The following SPAG5 variants were observed in gnomAD, a reference collection of about 807,000 sequenced individuals.
SPAG5 encodes the protein sperm-associated antigen 5.
SPAG5 carries 99 observed loss-of-function variants against 145.4 expected under a neutral mutation model. The observed-to-expected ratio is 0.68, with a 90% CI of 0.58 to 0.80. The LOEUF (loss-of-function observed/expected upper bound fraction) is 0.80, where lower values mean the gene tolerates loss of function less well. Ranked by LOEUF, SPAG5 falls within the 30% of genes least tolerant of loss-of-function variation. The pLI is 0.00. For synonymous variants in SPAG5, 477 were observed against 525.4 expected (o/e 0.91, Z 1.26); for missense variants, 1,192 against 1,416.0 (o/e 0.84, Z 2.54).
intron 4 of SPAG5, 132 bp downstream of exon 4, chr17:28,591,566 G>C: frequency 1.1e-6 from 1 of 885,060 alleles, no homozygotes; most frequent in Non-Finnish European, 1.7e-6. Flanking sequence ...TGACTGCCCA[G>C]ATTCTCAGCT....
chr17:28,597,189 G>A (rs1409885829), intron 2 of SPAG5, among the ~76,000 whole-genome samples: 2 of 152,162 alleles, frequency 1.3e-5, no homozygotes, highest in African/African-American at 4.8e-5. Flanking sequence ...GGCCGAGGCG[G>A]GCGGACCACT....
In SPAG5 at chr17:28,585,138, C is replaced by T. The variant is rs1399372554; in HGVS notation, c.2031G>A (p.Leu677=). Residue 677 remains leucine (L), a synonymous_variant, in exon 10 of 24, where the codon CTG becomes CTA. Coordinates refer to ENST00000321765, the MANE Select transcript of SPAG5 (RefSeq NM_006461.4). The stretch of plus-strand genomic sequence containing the variant: ...CCTCAATTGCCACATCACGTTCCTG[C>T]AGGGCTTGCTGGCTCTTGACTGTGA... ...EKLTVKSQQA[L]QERDVAIEEK... 6.2e-7 allele frequency: 1 copy of T among 1,614,238 alleles called. No homozygotes were observed.
At chr17:28,595,969 C>T (rs759031381) in intron 2 of SPAG5, among the ~76,000 whole-genome samples, 1 of 152,014 alleles carries the variant, frequency 6.6e-6, no homozygotes, top group Non-Finnish European at 1.5e-5. Context: ...ATTGCATGAA[C>T]CTGGGAGGCG....
chr17:28,587,896 C>A (rs1043528923), intron 4 of SPAG5, among the ~76,000 whole-genome samples: 1 of 152,092 alleles, frequency 6.6e-6, no homozygotes, highest in African/African-American at 2.4e-5. Flanking sequence ...ATTTATTCAT[C>A]ATTTTTACTT....
At chr17:28,594,123 A>G (rs563521197) in intron 2 of SPAG5, among the ~76,000 whole-genome samples, 7 of 152,308 alleles carry the variant, frequency 4.6e-5, no homozygotes, top group African/African-American at 1.7e-4. Flanking sequence ...AACAAATATT[A>G]GAAGAAAACT....
At chr17:28,581,735 C>T (rs2070550315) in intron 15 of SPAG5, among the ~76,000 whole-genome samples, 1 of 152,126 alleles carries the variant, frequency 6.6e-6, no homozygotes, top group Non-Finnish European at 1.5e-5. Flanking sequence ...CCACTAGCTC[C>T]CCTCAGTCTC....
intron 4 of SPAG5, among the ~76,000 whole-genome samples, chr17:28,590,097 T>C (rs950076968): frequency 6.6e-6 from 1 of 152,204 alleles, no homozygotes; most frequent in Non-Finnish European, 1.5e-5. Flanking sequence ...TAATTTCTAA[T>C]AAAATAAACA....
intron 4 of SPAG5, among the ~76,000 whole-genome samples, chr17:28,590,455 C>G (rs1453465200): frequency 6.6e-6 from 1 of 152,074 alleles, no homozygotes; most frequent in African/African-American, 2.4e-5. Flanking sequence ...GTCTTGAACT[C>G]CTGAGCTCAA....
chr17:28,596,738 CTTAT>C (rs750939723), intron 2 of SPAG5, among the ~76,000 whole-genome samples: 14 of 152,246 alleles, frequency 9.2e-5, no homozygotes, highest in South Asian at 4.1e-4. Flanking sequence ...CCACCTAGTA[CTTAT>C]TTATTTTTCA....
chr17:28,579,087 G>C (rs1158960890), intron 19 of SPAG5, 54 bp downstream of exon 19: 1 of 1,421,380 alleles, frequency 7.0e-7, no homozygotes, highest in East Asian at 2.3e-5. Context: ...CTCCCAGTGG[G>C]CCAGTAGAGC....
At chr17:28,590,596 C>T (rs930643163) in intron 4 of SPAG5, among the ~76,000 whole-genome samples, 3 of 151,976 alleles carry the variant, frequency 2.0e-5, no homozygotes, top group African/African-American at 7.3e-5. Context: ...AGGGGCCAGG[C>T]GCAGTGGCTC....
chr17:28,581,186 C>CCA (rs1229740763), intron 15 of SPAG5, among the ~76,000 whole-genome samples: 1 of 152,198 alleles, frequency 6.6e-6, no homozygotes, highest in Non-Finnish European at 1.5e-5. Context: ...TGCTCTTGAA[C>CCA]TACAAAGGCA....
chr17:28,585,178 T>A lies in SPAG5; in HGVS notation c.1991A>T (p.Gln664Leu). Residue 664 changes from glutamine to leucine, a missense_variant, in exon 10 of 24, where the codon CAA (glutamine) becomes CTA (leucine). Coordinates refer to ENST00000321765, the MANE Select transcript of SPAG5 (RefSeq NM_006461.4). ...TWTALLSRSR[Q>L]LTEKLTVKSQ... ...CTTGACTGTGAGTTTCTCTGTGAGT[T>A]GTCGGGACCGACTCAGCAAAGCTGT... 1.9e-6 allele frequency: 3 copies of A among 1,614,258 alleles called. No individual in the cohort carries two copies. The highest frequency in any genetic ancestry group is 2.5e-6 in the Non-Finnish European group (3 of 1,180,034).
chr17:28,586,762 C>A (rs999727094), intron 4 of SPAG5, among the ~76,000 whole-genome samples: 1 of 152,080 alleles, frequency 6.6e-6, no homozygotes, highest in Admixed American at 6.5e-5. Context: ...GAACTCCTGG[C>A]CTCAAGTGAT....
intron 2 of SPAG5, among the ~76,000 whole-genome samples, chr17:28,596,466 G>A (rs74411412): frequency 1.3e-5 from 2 of 152,030 alleles, no homozygotes; most frequent in Admixed American, 6.6e-5. Flanking sequence ...TCAGGAATTC[G>A]AGACAAGCCT....
At position 28,592,911 on chromosome 17, in the gene SPAG5, A is replaced by G. The variant is rs1175500481; in HGVS notation, c.333T>C (p.Thr111=). 1 of 1,614,152 alleles carries G rather than the reference A, an allele frequency of 6.2e-7. No individual in the cohort carries two copies. Among genetic ancestry groups the G allele is most frequent in the East Asian group, 2.2e-5 (1 of 44,882 alleles). Residue 111 remains threonine, a synonymous_variant, in exon 3 of 24, where the codon ACT becomes ACC. Transcript: ENST00000321765. ...PLDPIPQISS[T]PKTSEEAVDP... is the part of the protein sequence containing the mutation. ...CTACTGCTTCCTCAGACGTTTTAGG[A>G]GTAGAGCTAATTTGGGGAATTGGAT...
At position 28,585,190 on chromosome 17, in the gene SPAG5, C is replaced by G. The variant is rs374409440; in HGVS notation, c.1979G>C (p.Ser660Thr). ...LDYTTWTALL[S>T]RSRQLTEKLT... ...TTTCTCTGTGAGTTGTCGGGACCGA[C>G]TCAGCAAAGCTGTCCATGTTGTATA... The change falls in exon 10 of 24, where the codon AGT becomes ACT. Residue 660 changes from serine to threonine, a missense_variant. This residue lies in a region of SPAG5 where 709 missense variants were observed against 840.7 expected (regional missense o/e 0.84). Transcript: ENST00000321765. 1.7e-5 allele frequency: 27 copies of G among 1,614,090 alleles called. No individual in the cohort carries two copies. The highest frequency in any genetic ancestry group is 2.3e-5 in the Non-Finnish European group (27 of 1,180,048).
In SPAG5 at chr17:28,580,049, C is replaced by T; in HGVS notation, c.2757G>A (p.Arg919=). The T allele has an allele frequency of 6.2e-7, 1 of 1,614,060 alleles. No homozygotes were observed. ...PTQEHPLPND[R]TFLGSILTAV... The stretch of plus-strand genomic sequence containing the variant: ...CTGTCAAGATGCTTCCCAGGAAGGT[C>T]CTGTCATTAGGCAGAGGGTGTTCCT... Residue 919 remains arginine, a synonymous_variant, in exon 16 of 24, where the codon AGG becomes AGA. Coordinates refer to ENST00000321765, the MANE Select transcript of SPAG5 (RefSeq NM_006461.4).
chr17:28,595,622 G>A (rs1311633608), intron 2 of SPAG5, among the ~76,000 whole-genome samples: 5 of 151,836 alleles, frequency 3.3e-5, no homozygotes, highest in African/African-American at 9.7e-5. Flanking sequence ...GGTGGCACGC[G>A]CCTGTAATCC....
Sources: gnomAD v4.1 joint callset for allele counts (sites outside exome capture counted in the v4.1 genomes callset) on GRCh38, gnomAD v4.1.1 for gene constraint, gnomAD v4.1.1 regional missense constraint, MANE v1.5 for transcripts, NCBI Gene and HGNC (gene_info 2026-07-23, HGNC 2026-07-21) for gene names.